The following JAKMIP2 variants were observed in gnomAD, a reference collection of about 807,000 sequenced individuals.
JAKMIP2 encodes janus kinase and microtubule-interacting protein 2.
JAKMIP2 carries 25 observed loss-of-function variants against 115.0 expected under a neutral mutation model. That is an observed-to-expected ratio of 0.22 (90% CI 0.16 to 0.30). The LOEUF is 0.30. Ranked by LOEUF, JAKMIP2 falls within the 10% of genes least tolerant of loss-of-function variation. The pLI is 1.00. For missense variants in JAKMIP2, 642 were observed against 957.6 expected, an observed-to-expected ratio of 0.67 and a Z score of 4.35; for synonymous variants, 334 against 343.6, an observed-to-expected ratio of 0.97 and a Z score of 0.31.
At chr5:147,693,835 T>A (rs1464581176) in intron 1 of JAKMIP2, among the ~76,000 whole-genome samples, 1 of 152,234 alleles carries the variant, frequency 6.6e-6, no homozygotes, top group Non-Finnish European at 1.5e-5. Flanking sequence ...AGAATTACAA[T>A]TAATTTGGGG....
intron 21 of JAKMIP2, among the ~76,000 whole-genome samples, chr5:147,592,355 C>A (rs1755140839): frequency 6.6e-6 from 1 of 152,170 alleles, no homozygotes; most frequent in Non-Finnish European, 1.5e-5. Context: ...CACCTAAAGT[C>A]CTGATTGAAG....
At chr5:147,662,706 C>T (rs938997027) in intron 2 of JAKMIP2, among the ~76,000 whole-genome samples, 14 of 152,036 alleles carry the variant, frequency 9.2e-5, no homozygotes, top group African/African-American at 3.4e-4. Context: ...AAAAGGGGGC[C>T]GGGTGCAGTG....
At chr5:147,615,664 T>G (rs35502493) in intron 19 of JAKMIP2, among the ~76,000 whole-genome samples, 14 of 152,224 alleles carry the variant, frequency 9.2e-5, no homozygotes, top group East Asian at 1.9e-4. Context: ...GGCACCTGCA[T>G]GTACTTTTAA....
chr5:147,747,028 A>T (rs867153972), intron 1 of JAKMIP2, among the ~76,000 whole-genome samples: 2 of 152,210 alleles, frequency 1.3e-5, no homozygotes, highest in Non-Finnish European at 2.9e-5. Context: ...TGTATGTCCA[A>T]TGCTTACTGA....
rs1348606788 is a variant in JAKMIP2, at chr5:147,644,108, G to C, written c.1174C>G (p.Leu392Val). Residue 392 changes from leucine to valine, a missense_variant, in exon 7 of 22, where the codon CTA becomes GTA. Coordinates refer to ENST00000616793, the MANE Select transcript of JAKMIP2 (RefSeq NM_001270941.2). ...QANEEQETEFLKLQVIEQQNI... is the reference protein window; with the variant it reads ...QANEEQETEFVKLQVIEQQNI... ...TGTTGCTCAATGACCTGAAGTTTTAGAAACTCTGTTTCTTGTTCTTCATTA... is the reference window on the plus strand; with the variant it reads ...TGTTGCTCAATGACCTGAAGTTTTACAAACTCTGTTTCTTGTTCTTCATTA... 1 of 1,608,224 alleles carries C rather than the reference G, an allele frequency of 6.2e-7. No individual in the cohort carries two copies. The highest frequency in any genetic ancestry group is 1.1e-5 in the South Asian group (1 of 89,932).
intron 21 of JAKMIP2, among the ~76,000 whole-genome samples, chr5:147,599,581 C>T (rs1755589980): frequency 6.6e-6 from 1 of 152,146 alleles, no homozygotes; most frequent in Admixed American, 6.5e-5. Context: ...CTTGTACATC[C>T]CTCAAGGAGT....
intron 21 of JAKMIP2, among the ~76,000 whole-genome samples, chr5:147,599,463 T>C (rs1260259732): frequency 1.3e-5 from 2 of 152,218 alleles, no homozygotes; most frequent in African/African-American, 4.8e-5. Flanking sequence ...TTGCCCAGAT[T>C]CACTGTCACA....
intron 15 of JAKMIP2, among the ~76,000 whole-genome samples, 189 bp from the exon 16 acceptor site, chr5:147,629,005 G>A (rs1233100516): frequency 6.6e-6 from 1 of 152,102 alleles, no homozygotes; most frequent in African/African-American, 2.4e-5. Flanking sequence ...TATTAAACGT[G>A]ATTTTTTAAA....
chr5:147,733,680 G>A (rs1001573271), intron 1 of JAKMIP2, among the ~76,000 whole-genome samples: 1 of 152,058 alleles, frequency 6.6e-6, no homozygotes, highest in Non-Finnish European at 1.5e-5. Flanking sequence ...TGTTCTCATT[G>A]TTGGACTCCC....
intron 1 of JAKMIP2, among the ~76,000 whole-genome samples, chr5:147,758,515 A>G (rs899300271): frequency 2.0e-5 from 3 of 152,216 alleles, no homozygotes; most frequent in Non-Finnish European, 4.4e-5. Context: ...AACTAACTGA[A>G]AATGGACTAT....
chr5:147,629,030 C>T (rs533783053), intron 15 of JAKMIP2, among the ~76,000 whole-genome samples: 30 of 152,142 alleles, frequency 2.0e-4, no homozygotes, highest in African/African-American at 5.3e-4. Context: ...TCCTTAACAC[C>T]GATTTGATTT....
intron 14 of JAKMIP2, among the ~76,000 whole-genome samples, 151 bp downstream of exon 14, chr5:147,631,259 CTAG>C (rs1348912427): frequency 6.6e-6 from 1 of 152,130 alleles, no homozygotes; most frequent in African/African-American, 2.4e-5. Flanking sequence ...TGTTAATTTT[CTAG>C]TAGAAGTGAC....
At chr5:147,679,913 C>T (rs917571893) in intron 1 of JAKMIP2, among the ~76,000 whole-genome samples, 4 of 152,102 alleles carry the variant, frequency 2.6e-5, no homozygotes, top group African/African-American at 9.7e-5. Flanking sequence ...CGATTTCATA[C>T]ACTAGGAGAG....
intron 1 of JAKMIP2, among the ~76,000 whole-genome samples, chr5:147,696,725 G>T (rs979068839): frequency 1.3e-5 from 2 of 152,196 alleles, no homozygotes; most frequent in Non-Finnish European, 2.9e-5. Context: ...CCTTCCTAGA[G>T]ACTTGCTGAA....
chr5:147,734,221 G>T (rs1475221149), intron 1 of JAKMIP2, among the ~76,000 whole-genome samples: 1 of 152,138 alleles, frequency 6.6e-6, no homozygotes, highest in Non-Finnish European at 1.5e-5. Flanking sequence ...TCGCATGTCA[G>T]TTAGAATGGT....
chr5:147,637,967 C>G (rs1464217062), intron 10 of JAKMIP2, among the ~76,000 whole-genome samples: 1 of 151,914 alleles, frequency 6.6e-6, no homozygotes, highest in African/African-American at 2.4e-5. Flanking sequence ...ATAAAAACAG[C>G]GATGAAAGAT....
intron 3 of JAKMIP2, among the ~76,000 whole-genome samples, chr5:147,657,173 G>A (rs1352092111): frequency 5.9e-5 from 9 of 152,072 alleles, no homozygotes; most frequent in Admixed American, 3.3e-4. Flanking sequence ...CCGGCTATTC[G>A]GGAGGCTGAG....
chr5:147,743,188 T>G (rs1754215177), intron 1 of JAKMIP2, among the ~76,000 whole-genome samples: 1 of 152,244 alleles, frequency 6.6e-6, no homozygotes, highest in African/African-American at 2.4e-5. Flanking sequence ...TTTTTTGGAT[T>G]GCAGGAGGTG....
In JAKMIP2 at chr5:147,586,758, C is replaced by CTTTTT. The variant is rs5872028; in HGVS notation, c.*4944_*4948dup. On this transcript the variant is annotated 3_prime_UTR_variant, in exon 22 of 22. Transcript: ENST00000616793. ...TCCTCTCTCCCTCTTTTCTTTCTTT[C>CTTTTT]TTTTTTTTTTTTTTTTTTGAGATGA... The CTTTTT allele has an allele frequency of 1.2e-5, 1 of 81,700 alleles. No individual in the cohort carries two copies. The highest frequency in any genetic ancestry group is 4.2e-5 in the African/African-American group (1 of 23,708). 5.1% of individuals were successfully genotyped at this position (81,700 alleles called of 1,614,324 possible).
Sources: allele counts gnomAD v4.1 joint callset (sites outside exome capture counted in the v4.1 genomes callset), GRCh38; gene constraint gnomAD v4.1.1; transcripts MANE v1.5; gene names NCBI Gene and HGNC (gene_info 2026-07-23, HGNC 2026-07-21).